The following CTNNB1 variants were observed in gnomAD, a reference collection of about 807,000 sequenced individuals.
CTNNB1 encodes the protein catenin beta-1.
A neutral mutation model predicts 82.5 loss-of-function variants in CTNNB1; 6 were observed. The ratio of observed to expected loss-of-function variants is 0.07; its 90% confidence interval spans 0.04 to 0.14. The LOEUF (loss-of-function observed/expected upper bound fraction) is 0.14. Ranked by LOEUF, CTNNB1 falls within the 10% of genes least tolerant of loss-of-function variation. The pLI, the probability that CTNNB1 is intolerant of heterozygous loss-of-function variation, is 1.00. For synonymous variants in CTNNB1, 312 were observed against 329.7 expected, an observed-to-expected ratio of 0.95 and a Z score of 0.58; for missense variants, 529 against 980.4, an observed-to-expected ratio of 0.54 and a Z score of 6.15.
chr3:41,234,447 C>A (rs1023977054), intron 10 of CTNNB1, 150 bp downstream of exon 10: 21 of 804,980 alleles, frequency 2.6e-5, no homozygotes, highest in Non-Finnish European at 4.3e-5. Flanking sequence ...TTACACATTT[C>A]TATGGCTGCA....
At chr3:41,206,268 G>C (rs909100789) in intron 1 of CTNNB1, among the ~76,000 whole-genome samples, 2 of 152,068 alleles carry the variant, frequency 1.3e-5, no homozygotes, top group Non-Finnish European at 2.9e-5. Context: ...AGTCTACATG[G>C]CATATAAACC....
intron 1 of CTNNB1, chr3:41,221,855 T>A (rs1432587433): frequency 6.6e-6 from 1 of 152,210 alleles, no homozygotes; most frequent in Non-Finnish European, 1.5e-5. Context: ...GGACCTTTGA[T>A]CTCCTGAATT....
In CTNNB1 at chr3:41,239,125, C is replaced by A; in HGVS notation, c.2138-9C>A. The A allele has an allele frequency of 6.2e-7, 1 of 1,612,798 alleles. No individual in the cohort carries two copies. Among genetic ancestry groups the A allele is most frequent in the Non-Finnish European group, 8.5e-7 (1 of 1,179,092 alleles). ...CTTGCCTATTTTGTTGACACCCTGA[C>A]TCTTCTAGATCCTAGCTATCGTTCT... On this transcript the variant is annotated splice_polypyrimidine_tract_variant and intron_variant, in intron 14 of 14. Transcript: ENST00000349496.
At chr3:41,219,907 G>T (rs983668656) in intron 1 of CTNNB1, among the ~76,000 whole-genome samples, 20 of 152,214 alleles carry the variant, frequency 1.3e-4, no homozygotes, top group Admixed American at 3.9e-4. Flanking sequence ...GGAGGAGGTA[G>T]CTTATAGTAT....
rs1559481248 is a variant in CTNNB1, at chr3:41,240,426, T to TAAACTTTTAATTCATTC, written c.*1085_*1101dup. The stretch of plus-strand genomic sequence containing the variant: ...GCGGTTATAAAAAATGGTTCAGAAT[T>TAAACTTTTAATTCATTC]AAACTTTTAATTCATTCGATTGTGT... On this transcript the variant is annotated 3_prime_UTR_variant, in exon 15 of 15. Coordinates refer to ENST00000349496, the MANE Select transcript of CTNNB1 (RefSeq NM_001904.4). The TAAACTTTTAATTCATTC allele has an allele frequency of 5.6e-6, 1 of 179,944 alleles. No homozygotes were observed. Among genetic ancestry groups the TAAACTTTTAATTCATTC allele is most frequent in the Non-Finnish European group, 1.2e-5 (1 of 83,886 alleles). 11.1% of individuals were successfully genotyped at this position (179,944 alleles called of 1,614,324 possible).
intron 7 of CTNNB1, among the ~76,000 whole-genome samples, chr3:41,231,716 A>C (rs963472254): frequency 6.6e-6 from 1 of 152,204 alleles, no homozygotes; most frequent in Non-Finnish European, 1.5e-5. Flanking sequence ...CATTGTATAG[A>C]TTAACAGTTT....
intron 1 of CTNNB1, among the ~76,000 whole-genome samples, chr3:41,210,081 A>G (rs1175182769): frequency 2.0e-5 from 3 of 152,204 alleles, no homozygotes; most frequent in Non-Finnish European, 4.4e-5. Context: ...GTACAGCTGT[A>G]CAAAAATTTT....
chr3:41,230,470 T>C (rs564588465), intron 7 of CTNNB1, among the ~76,000 whole-genome samples: 28 of 152,354 alleles, frequency 1.8e-4, no homozygotes, highest in Middle Eastern at 3.4e-3. Flanking sequence ...AAATAGCATC[T>C]AATGTATTTT....
Position 41,239,543 on chromosome 3 carries a change from T to A in CTNNB1, c.*201T>A. On this transcript the variant is annotated 3_prime_UTR_variant, in exon 15 of 15. Coordinates refer to ENST00000349496, the MANE Select transcript of CTNNB1 (RefSeq NM_001904.4). Reference sequence around the variant, plus strand: ...TCTCAGATTTCTGGTTGTTATGTGATCATGTGTGGAAGTTATTAACTTTAA... The same window carrying A: ...TCTCAGATTTCTGGTTGTTATGTGAACATGTGTGGAAGTTATTAACTTTAA... 1.6e-6 allele frequency: 1 copy of A among 607,606 alleles called. No individual in the cohort carries two copies. Among genetic ancestry groups the A allele is most frequent in the Non-Finnish European group, 2.9e-6 (1 of 341,748 alleles). 37.6% of individuals were successfully genotyped at this position (607,606 alleles called of 1,614,324 possible).
chr3:41,239,841 T>G lies in CTNNB1; in HGVS notation c.*499T>G, dbSNP rs1575340993. On this transcript the variant is annotated 3_prime_UTR_variant, in exon 15 of 15. Transcript: ENST00000349496. ...GAGGAGTAACAATACAAATGGATTTTGGGAGTGACTCAAGAAGTGAAGAAT... is the reference window on the plus strand; with the variant it reads ...GAGGAGTAACAATACAAATGGATTTGGGGAGTGACTCAAGAAGTGAAGAAT... 1 of 256,466 alleles carries G rather than the reference T, an allele frequency of 3.9e-6. No homozygotes were observed. The highest frequency in any genetic ancestry group is 7.6e-6 in the Non-Finnish European group (1 of 131,606). The allele number at this position is 256,466 out of a possible 1,614,324, so 15.9% of individuals were successfully genotyped here.
chr3:41,227,383 G>T (rs1264613736), intron 7 of CTNNB1, 31 bp downstream of exon 7: 1 of 1,610,578 alleles, frequency 6.2e-7, no homozygotes, highest in Non-Finnish European at 8.5e-7. Context: ...TGAGTCTTGT[G>T]TATAGCATCT....
At chr3:41,220,986 C>T (rs975641240) in intron 1 of CTNNB1, 1 of 152,138 alleles carries the variant, frequency 6.6e-6, no homozygotes, top group African/African-American at 2.4e-5. Flanking sequence ...TCGGAAATAG[C>T]ACGGTGAATT....
At chr3:41,234,095 T>C in intron 9 of CTNNB1, 44 bp from the exon 10 acceptor site, 1 of 1,613,242 alleles carries the variant, frequency 6.2e-7, no homozygotes, top group Non-Finnish European at 8.5e-7. Context: ...GGTAAGAAAA[T>C]GATTTTGTTG....
intron 2 of CTNNB1, 152 bp from the exon 3 acceptor site, chr3:41,224,374 T>C: frequency 2.4e-6 from 2 of 841,214 alleles, no homozygotes; most frequent in Non-Finnish European, 3.9e-6. Flanking sequence ...ATCACTGAGC[T>C]AACCCTGGCT....
intron 1 of CTNNB1, among the ~76,000 whole-genome samples, chr3:41,219,368 TTA>T (rs2077989188): frequency 6.6e-6 from 1 of 152,228 alleles, no homozygotes; most frequent in South Asian, 2.1e-4. Context: ...CATAATCTAA[TTA>T]TTTTAAACAG....
intron 1 of CTNNB1, chr3:41,221,199 C>T (rs986965521): frequency 3.9e-5 from 6 of 152,170 alleles, no homozygotes; most frequent in Non-Finnish European, 7.3e-5. Flanking sequence ...TGTCTTGAAA[C>T]ATTTAGCGTA....
chr3:41,239,095 T>G (rs775634899), intron 14 of CTNNB1, 39 bp from the exon 15 acceptor site: 22 of 1,551,642 alleles, frequency 1.4e-5, no homozygotes, highest in African/African-American at 4.1e-5. Context: ...TCTTTTGCCT[T>G]CCTTCTTGCC....
At chr3:41,239,036 T>C (rs962651407) in intron 14 of CTNNB1, 98 bp from the exon 15 acceptor site, 13 of 1,015,486 alleles carry the variant, frequency 1.3e-5, no homozygotes, top group Admixed American at 3.5e-5. Context: ...TGCTGAACTT[T>C]GGATGCCCTA....
At chr3:41,235,510 C>T in intron 10 of CTNNB1, 1 of 609,776 alleles carries the variant, frequency 1.6e-6, no homozygotes, top group Non-Finnish European at 2.9e-6. Flanking sequence ...CTCTGTTGCA[C>T]TGTGTATGGG....
Sources: gnomAD v4.1 joint callset for allele counts (sites outside exome capture counted in the v4.1 genomes callset) on GRCh38, gnomAD v4.1.1 for gene constraint, MANE v1.5 for transcripts, NCBI Gene and HGNC (gene_info 2026-07-23, HGNC 2026-07-21) for gene names.